Variants in LRGUK observed in about 807,000 individuals in gnomAD.
LRGUK encodes leucine-rich repeat and guanylate kinase domain-containing protein.
LRGUK carries 65 observed loss-of-function variants against 76.0 expected under a neutral mutation model. The ratio of observed to expected loss-of-function variants is 0.85; its 90% CI spans 0.70 to 1.05. The LOEUF is 1.05. Ranked by LOEUF, LRGUK falls within the 50% of genes least tolerant of loss-of-function variation. The pLI is 0.00. For synonymous variants in LRGUK, 268 were observed against 265.6 expected (o/e 1.01, Z -0.09); for missense variants, 758 against 732.8 (o/e 1.03, Z -0.40).
At chr7:134,229,017 A>C (rs1349526259) in intron 16 of LRGUK, among the ~76,000 whole-genome samples, 25 of 152,204 alleles carry the variant, frequency 1.6e-4, no homozygotes, top group Admixed American at 1.6e-3. Flanking sequence ...TATTAGAAAC[A>C]TAAAACATAT....
chr7:134,208,607 G>A (rs1801103245), intron 15 of LRGUK: 1 of 397,324 alleles, frequency 2.5e-6, no homozygotes, highest in South Asian at 1.4e-4. Context: ...TCCTTTCAAG[G>A]GCCTATGTGC....
chr7:134,174,820 TA>T, intron 8 of LRGUK, among the ~76,000 whole-genome samples, 184 bp downstream of exon 8: 1 of 152,278 alleles, frequency 6.6e-6, no homozygotes, highest in Admixed American at 6.5e-5. Context: ...ATTTTTTTTT[TA>T]AGACATAAGA....
chr7:134,233,490 G>T (rs1382200279), intron 16 of LRGUK, among the ~76,000 whole-genome samples: 1 of 152,166 alleles, frequency 6.6e-6, no homozygotes, highest in Non-Finnish European at 1.5e-5. Context: ...AATCCTGTAA[G>T]TACTAACTGT....
chr7:134,234,498 A>G (rs961042426), intron 16 of LRGUK, among the ~76,000 whole-genome samples: 1 of 152,152 alleles, frequency 6.6e-6, no homozygotes, highest in African/African-American at 2.4e-5. Context: ...GTTGTTTCCA[A>G]CTGGTAGGTG....
chr7:134,146,993 T>C (rs777464860), intron 4 of LRGUK, among the ~76,000 whole-genome samples: 2 of 152,218 alleles, frequency 1.3e-5, no homozygotes, highest in Non-Finnish European at 2.9e-5. Context: ...TAATTAAAGT[T>C]ATTTAATATT....
At chr7:134,140,565 G>T (rs1324847313) in intron 3 of LRGUK, among the ~76,000 whole-genome samples, 1 of 152,112 alleles carries the variant, frequency 6.6e-6, no homozygotes, top group Non-Finnish European at 1.5e-5. Flanking sequence ...CTAGGGAAGT[G>T]AGCAAATCAT....
chr7:134,150,401 G>T (rs1384997775), intron 5 of LRGUK, among the ~76,000 whole-genome samples: 1 of 151,604 alleles, frequency 6.6e-6, no homozygotes, highest in Non-Finnish European at 1.5e-5. Context: ...GGTGGAGGTT[G>T]CAGTGAGCCG....
intron 5 of LRGUK, among the ~76,000 whole-genome samples, chr7:134,157,164 G>C (rs2116906139): frequency 6.6e-6 from 1 of 152,322 alleles, no homozygotes; most frequent in South Asian, 2.1e-4. Flanking sequence ...CAGAGTTTAA[G>C]CCTCATTGAT....
chr7:134,169,058 G>T (rs1296899865), intron 7 of LRGUK, among the ~76,000 whole-genome samples: 1 of 151,632 alleles, frequency 6.6e-6, no homozygotes, highest in East Asian at 1.9e-4. Flanking sequence ...TCAAGTTCAG[G>T]ATCTAAAGAG....
At chr7:134,193,534 A>T (rs576872735) in intron 12 of LRGUK, among the ~76,000 whole-genome samples, 1 of 152,254 alleles carries the variant, frequency 6.6e-6, no homozygotes, top group Admixed American at 6.5e-5. Flanking sequence ...TAGTCTTAGA[A>T]TTTTACTACC....
chr7:134,217,752 G>A (rs1396511886), intron 15 of LRGUK, among the ~76,000 whole-genome samples: 3 of 152,006 alleles, frequency 2.0e-5, no homozygotes, highest in East Asian at 3.9e-4. Flanking sequence ...CATATTAAAA[G>A]TATTTAAAAT....
chr7:134,198,093 T>C (rs2881528), intron 13 of LRGUK, among the ~76,000 whole-genome samples: 122,023 of 151,740 alleles, frequency 0.8, 50,400 homozygotes, highest in Non-Finnish European at 0.91. Context: ...TAAGTGTTTC[T>C]TAGCTTACAC....
At chr7:134,244,903 G>A (rs2117200279) in intron 16 of LRGUK, among the ~76,000 whole-genome samples, 1 of 152,238 alleles carries the variant, frequency 6.6e-6, no homozygotes, top group Admixed American at 6.5e-5. Flanking sequence ...TCCTTTGTAG[G>A]GACATGGATG....
intron 14 of LRGUK, among the ~76,000 whole-genome samples, chr7:134,201,112 C>A (rs1800748633): frequency 1.3e-5 from 2 of 152,196 alleles, no homozygotes; most frequent in Admixed American, 1.3e-4. Context: ...TCTTTTTCTG[C>A]CAACAGCTGG....
At chr7:134,168,546 G>A (rs551479642) in intron 7 of LRGUK, among the ~76,000 whole-genome samples, 11 of 152,284 alleles carry the variant, frequency 7.2e-5, no homozygotes, top group Admixed American at 7.2e-4. Flanking sequence ...GGGCAGAGAA[G>A]GGAGATGGTG....
At chr7:134,255,531 A>G (rs1802558323) in intron 18 of LRGUK, among the ~76,000 whole-genome samples, 1 of 152,216 alleles carries the variant, frequency 6.6e-6, no homozygotes, top group African/African-American at 2.4e-5. Flanking sequence ...ATGAAAGACA[A>G]TTAGTTCAGA....
exon 7 of LRGUK, chr7:134,163,451 A>G (rs765763254): frequency 6.2e-7 from 1 of 1,614,002 alleles, no homozygotes; most frequent in South Asian, 1.1e-5. Flanking sequence ...AGCCCTGCAG[A>G]ACCTGGATCT....
intron 5 of LRGUK, among the ~76,000 whole-genome samples, chr7:134,155,798 T>C (rs958637329): frequency 2.6e-5 from 4 of 152,304 alleles, no homozygotes; most frequent in Admixed American, 6.5e-5. Flanking sequence ...AAATGAAAAA[T>C]CTACTAAGTA....
At chr7:134,139,580 T>A in intron 3 of LRGUK, 63 bp downstream of exon 3, 1 of 951,478 alleles carries the variant, frequency 1.1e-6, no homozygotes, top group Non-Finnish European at 1.7e-6. Flanking sequence ...TTGCAGTATG[T>A]AATATGGTTT....
Sources: gnomAD v4.1 joint callset for allele counts (sites outside exome capture counted in the v4.1 genomes callset) on GRCh38, gnomAD v4.1.1 for gene constraint, MANE v1.5 for transcripts, NCBI Gene and HGNC (gene_info 2026-07-23, HGNC 2026-07-21) for gene names.